The following DNM3 variants were observed in gnomAD, a reference collection of about 807,000 sequenced individuals.
The protein encoded by DNM3 is dynamin 3.
In DNM3, 47 loss-of-function variants were observed where a neutral mutation model predicts 101.6. That is an observed-to-expected ratio of 0.46 (90% CI 0.37 to 0.59). DNM3 has a LOEUF of 0.59. DNM3 is among the 20% of genes least tolerant of loss of function. The pLI, the probability that DNM3 is intolerant of heterozygous loss-of-function variation, is 0.00. For missense variants in DNM3, 849 were observed against 1,085.7 expected (o/e 0.78, Z 3.06); for synonymous variants, 385 against 387.9 (o/e 0.99, Z 0.09).
chr1:172,301,263 A>G (rs1289353080), intron 15 of DNM3, among the ~76,000 whole-genome samples: 2 of 152,202 alleles, frequency 1.3e-5, no homozygotes, highest in Admixed American at 1.3e-4. Context: ...GCACTTTAGG[A>G]GGTCGAGGCA....
At chr1:172,019,446 A>G (rs2047679622) in intron 4 of DNM3, among the ~76,000 whole-genome samples, 1 of 150,530 alleles carries the variant, frequency 6.6e-6, no homozygotes, top group Admixed American at 6.6e-5. Context: ...TAAATATACT[A>G]TGCCTAGTTA....
intron 14 of DNM3, among the ~76,000 whole-genome samples, chr1:172,145,418 C>G (rs28558595): frequency 2.0e-5 from 3 of 148,560 alleles, no homozygotes; most frequent in Non-Finnish European, 4.5e-5. Context: ...CTCTTTCTCT[C>G]CTTCTCTCTC....
At chr1:172,130,758 G>C (rs1301440010) in intron 13 of DNM3, among the ~76,000 whole-genome samples, 1 of 152,182 alleles carries the variant, frequency 6.6e-6, no homozygotes, top group Non-Finnish European at 1.5e-5. Flanking sequence ...CTAATGGGCT[G>C]CAAACTAGGC....
intron 14 of DNM3, among the ~76,000 whole-genome samples, chr1:172,207,704 T>C (rs1185579546): frequency 6.6e-6 from 1 of 152,140 alleles, no homozygotes; most frequent in African/African-American, 2.4e-5. Flanking sequence ...AATGCTTAGA[T>C]TATAAAGGTT....
chr1:171,865,306 G>A (rs1571311614), intron 1 of DNM3, among the ~76,000 whole-genome samples: 1 of 151,854 alleles, frequency 6.6e-6, no homozygotes, highest in African/African-American at 2.4e-5. Flanking sequence ...GCTTGAGCCC[G>A]GGAGTTCTAG....
chr1:172,277,351 T>A (rs998848566), intron 15 of DNM3, among the ~76,000 whole-genome samples: 1 of 152,018 alleles, frequency 6.6e-6, no homozygotes, highest in East Asian at 1.9e-4. Flanking sequence ...TCACAGCGTT[T>A]TAGTAGTGAG....
chr1:172,249,989 G>A (rs2062105492), intron 14 of DNM3, among the ~76,000 whole-genome samples: 1 of 152,076 alleles, frequency 6.6e-6, no homozygotes, highest in African/African-American at 2.4e-5. Context: ...TATATAAACT[G>A]CTTAAACAAT....
At chr1:172,320,028 T>C (rs1452089167) in intron 16 of DNM3, among the ~76,000 whole-genome samples, 1 of 151,730 alleles carries the variant, frequency 6.6e-6, no homozygotes, top group Non-Finnish European at 1.5e-5. Flanking sequence ...GTGGCACATA[T>C]ACACCATGGA....
intron 10 of DNM3, among the ~76,000 whole-genome samples, chr1:172,061,483 T>C: frequency 6.6e-6 from 1 of 150,954 alleles, no homozygotes; most frequent in East Asian, 2.0e-4. Context: ...ATTAAGAAAA[T>C]GTGGCATATA....
chr1:172,371,810 T>G (rs922699905), intron 17 of DNM3, among the ~76,000 whole-genome samples: 1 of 151,846 alleles, frequency 6.6e-6, no homozygotes, highest in African/African-American at 2.4e-5. Context: ...TTCAGGGTAT[T>G]CTGTCTAAGT....
chr1:172,189,798 G>A (rs753858361), intron 14 of DNM3, among the ~76,000 whole-genome samples: 6 of 151,970 alleles, frequency 3.9e-5, no homozygotes, highest in Admixed American at 1.3e-4. Context: ...AAGGTGAAAG[G>A]GGAGCAGGTG....
At chr1:172,025,516 T>G (rs6683503) in intron 4 of DNM3, among the ~76,000 whole-genome samples, 56,121 of 152,014 alleles carry the variant, frequency 0.37, 10,881 homozygotes, top group East Asian at 0.69. Flanking sequence ...GGGAGACACC[T>G]CCCAGCAGGG....
intron 2 of DNM3, among the ~76,000 whole-genome samples, chr1:171,962,086 C>G (rs1177348943): frequency 6.6e-6 from 1 of 152,146 alleles, no homozygotes; most frequent in Non-Finnish European, 1.5e-5. Context: ...TCAGGTTTCA[C>G]TTTCTCTTCT....
intron 14 of DNM3, among the ~76,000 whole-genome samples, chr1:172,183,483 A>G (rs1259053493): frequency 6.6e-6 from 1 of 152,180 alleles, no homozygotes; most frequent in African/African-American, 2.4e-5. Context: ...AAACCCAAAT[A>G]CACTGAAACA....
chr1:171,939,311 A>G (rs2041662149), intron 2 of DNM3, among the ~76,000 whole-genome samples: 1 of 152,214 alleles, frequency 6.6e-6, no homozygotes, highest in Admixed American at 6.5e-5. Flanking sequence ...TCTTTGAAGT[A>G]AATGAAGAAA....
In DNM3 at chr1:171,932,886, T is replaced by C. The variant is rs540413843; in HGVS notation, c.235+11065T>C. 1.1e-4 allele frequency among the ~76,000 whole-genome samples: 17 copies of C among 152,318 alleles called. No homozygotes were observed. In the South Asian group the frequency reaches 3.3e-3, roughly 30 times the overall value. On this transcript the variant is annotated intron_variant, in intron 2 of 20. Coordinates refer to ENST00000627582, the MANE Select transcript of DNM3 (RefSeq NM_015569.5). ...TGCAGTGGGGACCTTTTGGTGAGTATAGACATGGGAAAATATTCTTACATA... is the reference window on the plus strand; with the variant it reads ...TGCAGTGGGGACCTTTTGGTGAGTACAGACATGGGAAAATATTCTTACATA...
At chr1:172,374,787 A>G (rs2068517508) in intron 17 of DNM3, among the ~76,000 whole-genome samples, 1 of 152,054 alleles carries the variant, frequency 6.6e-6, no homozygotes, top group Admixed American at 6.6e-5. Context: ...ATACTCATCC[A>G]TGTAAATGAT....
At chr1:171,901,041 A>G (rs2125228264) in intron 1 of DNM3, among the ~76,000 whole-genome samples, 2 of 139,588 alleles carry the variant, frequency 1.4e-5, no homozygotes, top group Admixed American at 1.6e-4. Flanking sequence ...TGAACCCGGG[A>G]GGTGGAGCTT....
chr1:172,164,592 T>C (rs1055773528), intron 14 of DNM3, among the ~76,000 whole-genome samples: 6 of 151,902 alleles, frequency 3.9e-5, no homozygotes, highest in African/African-American at 7.3e-5. Context: ...ACTATCCCAA[T>C]GTTCATACCC....
Sources: allele counts gnomAD v4.1 joint callset (sites outside exome capture counted in the v4.1 genomes callset), GRCh38; gene constraint gnomAD v4.1.1; transcripts MANE v1.5; gene names NCBI Gene and HGNC (gene_info 2026-07-23, HGNC 2026-07-21).